Variants in SNTG1 observed in about 807,000 individuals in gnomAD.
SNTG1 encodes gamma-1-syntrophin.
A neutral mutation model predicts 74.7 loss-of-function variants in SNTG1; 39 were observed. That is an observed-to-expected ratio of 0.52 (90% CI 0.40 to 0.68). The LOEUF (loss-of-function observed/expected upper bound fraction) is 0.68. SNTG1 is among the 30% of genes least tolerant of loss of function. The probability of loss-of-function intolerance (pLI) is 0.00; values close to 1 mark genes in which losing one functional copy is unlikely to be tolerated. For synonymous variants in SNTG1, 254 were observed against 217.1 expected, an observed-to-expected ratio of 1.17 and a Z score of -1.49; for missense variants, 685 against 609.5, an observed-to-expected ratio of 1.12 and a Z score of -1.30.
chr8:50,502,558 G>T (rs977244653), intron 8 of SNTG1, among the ~76,000 whole-genome samples: 2 of 152,128 alleles, frequency 1.3e-5, no homozygotes, highest in Admixed American at 6.6e-5. Context: ...GAAGATTCAC[G>T]TTGTGTATAA....
intron 13 of SNTG1, among the ~76,000 whole-genome samples, chr8:50,624,123 C>T (rs1328468167): frequency 6.6e-6 from 1 of 151,824 alleles, no homozygotes; most frequent in East Asian, 1.9e-4. Context: ...ATTCTTGAGC[C>T]AGAGATGATT....
chr8:50,192,571 G>T (rs1403523071), intron 2 of SNTG1, among the ~76,000 whole-genome samples: 2 of 152,036 alleles, frequency 1.3e-5, no homozygotes, highest in Non-Finnish European at 2.9e-5. Context: ...CAGATGTATA[G>T]GTTGTGATGA....
intron 17 of SNTG1, among the ~76,000 whole-genome samples, chr8:50,723,140 G>C (rs989249126): frequency 1.9e-4 from 29 of 152,190 alleles, no homozygotes; most frequent in African/African-American, 6.7e-4. Flanking sequence ...TTGTTCTGGA[G>C]GAGCAAGCAG....
At chr8:49,937,185 G>A (rs1173400569) in intron 1 of SNTG1, among the ~76,000 whole-genome samples, 1 of 152,000 alleles carries the variant, frequency 6.6e-6, no homozygotes, top group African/African-American at 2.4e-5. Flanking sequence ...AACCCAGTTA[G>A]GCTGATAAAA....
chr8:50,610,080 G>A (rs950526149), intron 13 of SNTG1, among the ~76,000 whole-genome samples: 13 of 152,034 alleles, frequency 8.6e-5, no homozygotes, highest in African/African-American at 2.9e-4. Flanking sequence ...GATAATAAAC[G>A]TTACCAATTC....
intron 1 of SNTG1, among the ~76,000 whole-genome samples, chr8:49,984,722 T>C (rs1813000502): frequency 6.6e-6 from 1 of 152,156 alleles, no homozygotes; most frequent in South Asian, 2.1e-4. Flanking sequence ...GAATCGATAC[T>C]TTATAGTAGG....
intron 13 of SNTG1, among the ~76,000 whole-genome samples, chr8:50,624,205 T>C (rs913777098): frequency 2.0e-5 from 3 of 152,174 alleles, no homozygotes; most frequent in Non-Finnish European, 4.4e-5. Flanking sequence ...AATGTTTCTT[T>C]ATAGCTATGT....
At chr8:50,051,277 C>CA (rs1386923509) in intron 1 of SNTG1, among the ~76,000 whole-genome samples, 10 of 145,514 alleles carry the variant, frequency 6.9e-5, no homozygotes, top group Non-Finnish European at 1.3e-4. Flanking sequence ...CACAAACAAA[C>CA]AAGAAGAAAA....
intron 13 of SNTG1, among the ~76,000 whole-genome samples, chr8:50,631,041 T>C (rs1304040059): frequency 6.6e-6 from 1 of 152,234 alleles, no homozygotes; most frequent in Non-Finnish European, 1.5e-5. Context: ...CCTAGGAATT[T>C]AGTCTGGGCT....
chr8:50,315,650 T>A (rs760685912), intron 2 of SNTG1, among the ~76,000 whole-genome samples: 2 of 150,022 alleles, frequency 1.3e-5, no homozygotes, highest in Non-Finnish European at 2.9e-5. Context: ...GAAGCATACT[T>A]CAAGTATGTA....
In SNTG1 at chr8:50,704,705, G is replaced by T; in HGVS notation, c.1144G>T (p.Glu382Ter). 1 of 1,614,152 alleles carries T rather than the reference G, an allele frequency of 6.2e-7. No homozygotes were observed. The highest frequency in any genetic ancestry group is 8.5e-7 in the Non-Finnish European group (1 of 1,180,024). The change falls in exon 16 of 19, where the codon GAA (glutamate) becomes TAA (stop). Residue 382 changes from glutamate (E) to a stop codon, truncating the protein, a stop_gained. Transcript: ENST00000642720. LOFTEE classifies it high-confidence loss of function. ...VELESDLAQW[E>*]RAFQTATFLE... ...GCTGGAAAGTGACCTCGCCCAGTGG[G>T]AAAGAGCCTTCCAGACAGCAACCTT...
intron 12 of SNTG1, among the ~76,000 whole-genome samples, chr8:50,577,842 T>C (rs990287008): frequency 2.0e-5 from 3 of 152,148 alleles, no homozygotes; most frequent in Non-Finnish European, 4.4e-5. Context: ...GTTGAGATTA[T>C]ACAAAGAAAG....
chr8:50,599,789 G>A (rs1585806595), intron 13 of SNTG1, among the ~76,000 whole-genome samples: 1 of 152,008 alleles, frequency 6.6e-6, no homozygotes, highest in African/African-American at 2.4e-5. Flanking sequence ...CAATTTCGAT[G>A]CTGTTTATTT....
intron 15 of SNTG1, among the ~76,000 whole-genome samples, chr8:50,692,688 T>C (rs1314384945): frequency 6.6e-6 from 1 of 152,196 alleles, no homozygotes; most frequent in Non-Finnish European, 1.5e-5. Context: ...GTTAGGCTAC[T>C]TGGGGGTCAG....
intron 1 of SNTG1, among the ~76,000 whole-genome samples, chr8:50,098,650 A>G (rs1407126218): frequency 6.6e-6 from 1 of 152,162 alleles, no homozygotes; most frequent in Non-Finnish European, 1.5e-5. Flanking sequence ...TAGTGGAGAA[A>G]GCATGGGTTT....
chr8:50,314,505 T>C (rs1449359759), intron 2 of SNTG1, among the ~76,000 whole-genome samples: 1 of 149,726 alleles, frequency 6.7e-6, no homozygotes, highest in Non-Finnish European at 1.5e-5. Flanking sequence ...CTGACGGAGA[T>C]GATTTTCAGT....
At chr8:50,293,765 A>C (rs528322770) in intron 2 of SNTG1, among the ~76,000 whole-genome samples, 2 of 152,150 alleles carry the variant, frequency 1.3e-5, no homozygotes, top group Non-Finnish European at 2.9e-5. Flanking sequence ...AAACACAGTC[A>C]TATCTGTAGT....
chr8:50,364,941 T>C (rs774554916), intron 2 of SNTG1, among the ~76,000 whole-genome samples: 110 of 152,046 alleles, frequency 7.2e-4, no homozygotes, highest in Non-Finnish European at 1.5e-3. Flanking sequence ...ATTTAAGGCT[T>C]TTTGCAAAAC....
At chr8:50,638,013 C>G (rs1214736936) in intron 13 of SNTG1, among the ~76,000 whole-genome samples, 1 of 152,008 alleles carries the variant, frequency 6.6e-6, no homozygotes, top group Admixed American at 6.6e-5. Flanking sequence ...AGAATTACCC[C>G]CAAAGATGTA....
Sources: allele counts gnomAD v4.1 joint callset (sites outside exome capture counted in the v4.1 genomes callset), GRCh38; gene constraint gnomAD v4.1.1; transcripts MANE v1.5; gene names NCBI Gene and HGNC (gene_info 2026-07-23, HGNC 2026-07-21).